The following ELOVL7 variants were observed in gnomAD, a reference collection of about 807,000 sequenced individuals.
The protein encoded by ELOVL7 is ELOVL fatty acid elongase 7, also known as very long chain fatty acid elongase 7.
ELOVL7 carries 27 observed loss-of-function variants against 35.7 expected under a neutral mutation model. The ratio of observed to expected loss-of-function variants is 0.76; its 90% CI spans 0.56 to 1.04. ELOVL7 has a LOEUF of 1.04. Ranked by LOEUF, ELOVL7 falls within the 50% of genes least tolerant of loss-of-function variation. The pLI, the probability that ELOVL7 is intolerant of heterozygous loss-of-function variation, is 0.00. For missense variants in ELOVL7, 327 were observed against 340.8 expected (o/e 0.96, Z 0.32); for synonymous variants, 113 against 114.6 (o/e 0.99, Z 0.09).
intron 3 of ELOVL7, among the ~76,000 whole-genome samples, chr5:60,782,930 T>G (rs1184027153): frequency 6.6e-6 from 1 of 152,184 alleles, no homozygotes; most frequent in African/African-American, 2.4e-5. Context: ...AAAAAGTAAA[T>G]TTCAAATGTT....
chr5:60,771,721 T>C (rs551315147), intron 4 of ELOVL7, among the ~76,000 whole-genome samples, 182 bp downstream of exon 4: 13 of 152,256 alleles, frequency 8.5e-5, no homozygotes, highest in Non-Finnish European at 1.9e-4. Context: ...TATACTGAGA[T>C]CCTCAAATGA....
chr5:60,774,903 T>C (rs1252637573), intron 3 of ELOVL7, among the ~76,000 whole-genome samples: 3 of 151,882 alleles, frequency 2.0e-5, no homozygotes, highest in African/African-American at 2.4e-5. Context: ...GGAGCTGGGA[T>C]TACAGGTGCC....
chr5:60,765,193 T>G (rs1026509020), intron 6 of ELOVL7, among the ~76,000 whole-genome samples: 16 of 152,226 alleles, frequency 1.1e-4, no homozygotes, highest in Non-Finnish European at 1.8e-4. Context: ...CATTTCCAAG[T>G]GCAAAATGCG....
At position 60,799,737 on chromosome 5, in the gene ELOVL7, A is replaced by T. The variant is rs996025837; in HGVS notation, c.-85-507T>A. On this transcript the variant is annotated intron_variant, in intron 1 of 8. Coordinates refer to ENST00000508821, the MANE Select transcript of ELOVL7 (RefSeq NM_024930.3). ...ACTTCACTGTTAAATTCTACCAAAC[A>T]TTTAAAAAATAACTAATAGACCGGG... Among the ~76,000 whole-genome samples, 4 of 152,232 alleles carry T rather than the reference A, an allele frequency of 2.6e-5. No homozygotes were observed. The East Asian group carries it at 7.7e-4, about 29-fold the overall frequency.
chr5:60,777,608 C>A (rs1342969349), intron 3 of ELOVL7, among the ~76,000 whole-genome samples: 1 of 151,950 alleles, frequency 6.6e-6, no homozygotes, highest in Non-Finnish European at 1.5e-5. Context: ...TTGAGGGTTG[C>A]CATCACATAA....
intron 1 of ELOVL7, among the ~76,000 whole-genome samples, chr5:60,821,476 A>G (rs990708859): frequency 6.6e-6 from 1 of 152,010 alleles, no homozygotes; most frequent in Non-Finnish European, 1.5e-5. Flanking sequence ...CCCTCTATCT[A>G]TGCTCCAGTT....
chr5:60,804,967 A>G (rs1438670423), intron 1 of ELOVL7, among the ~76,000 whole-genome samples: 1 of 152,232 alleles, frequency 6.6e-6, no homozygotes, highest in African/African-American at 2.4e-5. Flanking sequence ...ACCTACTCAG[A>G]TTTCTACAAT....
chr5:60,764,223 C>T lies in ELOVL7; in HGVS notation c.499+4G>A. The T allele has an allele frequency of 6.9e-6, 11 of 1,600,244 alleles. No homozygotes were observed. The highest frequency in any genetic ancestry group is 9.4e-6 in the Non-Finnish European group (11 of 1,168,244). On this transcript the variant is annotated splice_donor_region_variant and intron_variant, in intron 7 of 8. Coordinates refer to ENST00000508821, the MANE Select transcript of ELOVL7 (RefSeq NM_024930.3). ...ACACATGATCCCAAATTTCCCTTGTCTACCTGCAGCAAATTTGACTCCAAA... is the reference window on the plus strand; with the variant it reads ...ACACATGATCCCAAATTTCCCTTGTTTACCTGCAGCAAATTTGACTCCAAA...
intron 1 of ELOVL7, among the ~76,000 whole-genome samples, chr5:60,831,150 T>C (rs944412176): frequency 6.6e-6 from 1 of 152,206 alleles, no homozygotes; most frequent in Non-Finnish European, 1.5e-5. Context: ...GAAATGAAAC[T>C]ACTATGGACA....
intron 2 of ELOVL7, among the ~76,000 whole-genome samples, chr5:60,796,543 G>C (rs1313452571): frequency 1.3e-5 from 2 of 152,120 alleles, no homozygotes; most frequent in Non-Finnish European, 2.9e-5. Flanking sequence ...CCCCTGTGGG[G>C]CAAAATCCTC....
At chr5:60,797,167 A>C (rs561886538) in intron 2 of ELOVL7, among the ~76,000 whole-genome samples, 2 of 152,206 alleles carry the variant, frequency 1.3e-5, no homozygotes, top group African/African-American at 4.8e-5. Flanking sequence ...CAAATTTTCA[A>C]ATTTGCTAAT....
intron 1 of ELOVL7, among the ~76,000 whole-genome samples, chr5:60,832,388 C>T (rs751824950): frequency 1.3e-3 from 193 of 150,624 alleles, no homozygotes; most frequent in Non-Finnish European, 2.3e-3. Flanking sequence ...TTTTTTGAGA[C>T]GGAGTCTCGC....
chr5:60,832,310 C>T (rs2112388395), intron 1 of ELOVL7, among the ~76,000 whole-genome samples: 1 of 152,294 alleles, frequency 6.6e-6, no homozygotes, highest in South Asian at 2.1e-4. Context: ...GCAACTCCTA[C>T]TTGCTCTGTG....
chr5:60,765,213 G>A lies in ELOVL7; in HGVS notation c.394-881C>T, dbSNP rs1190212186. 3.9e-5 allele frequency among the ~76,000 whole-genome samples: 6 copies of A among 152,268 alleles called. 1 individual carries two copies. The highest frequency in any genetic ancestry group is 1.3e-4 in the Admixed American group (2 of 15,292). ...CCAAGTGCAAAATGCGTTTGCTTACGCACATGGAAGAAGGCTGAGTGGTGC... is the reference window on the plus strand; with the variant it reads ...CCAAGTGCAAAATGCGTTTGCTTACACACATGGAAGAAGGCTGAGTGGTGC... On this transcript the variant is annotated intron_variant, in intron 6 of 8. Coordinates refer to ENST00000508821, the MANE Select transcript of ELOVL7 (RefSeq NM_024930.3).
At chr5:60,771,296 C>A (rs190705400) in intron 4 of ELOVL7, among the ~76,000 whole-genome samples, 1 of 152,132 alleles carries the variant, frequency 6.6e-6, no homozygotes, top group East Asian at 1.9e-4. Flanking sequence ...GTTTTAGGGT[C>A]CTGGAAGAGC....
intron 1 of ELOVL7, among the ~76,000 whole-genome samples, chr5:60,807,740 C>T (rs1370236852): frequency 5.3e-5 from 8 of 151,832 alleles, no homozygotes; most frequent in African/African-American, 1.9e-4. Flanking sequence ...TGGTTCACGC[C>T]TGTAATCCCA....
At chr5:60,767,141 T>A (rs1256129189) in intron 5 of ELOVL7, among the ~76,000 whole-genome samples, 2 of 152,142 alleles carry the variant, frequency 1.3e-5, no homozygotes, top group Non-Finnish European at 2.9e-5. Context: ...GTCATCTAGG[T>A]TGGAGTGCAA....
chr5:60,769,358 C>T (rs1742435430), intron 4 of ELOVL7, among the ~76,000 whole-genome samples: 1 of 152,192 alleles, frequency 6.6e-6, no homozygotes, highest in African/African-American at 2.4e-5. Context: ...AATTCTCCAC[C>T]TTACCCTACC....
chr5:60,835,156 C>T lies in ELOVL7; in HGVS notation c.-86+9004G>A, dbSNP rs539068181. ...AGCGAGCTGAGAGCAAGCCACTGCA[C>T]TCCAGCCTGGGTGACACAGTGAGAT... On this transcript the variant is annotated intron_variant, in intron 1 of 8. Transcript: ENST00000508821. 5.8e-4 allele frequency among the ~76,000 whole-genome samples: 86 copies of T among 148,804 alleles called. 1 individual carries two copies. The highest frequency in any genetic ancestry group is 2.1e-3 in the African/African-American group (82 of 39,890).
Sources: allele counts gnomAD v4.1 joint callset (sites outside exome capture counted in the v4.1 genomes callset), GRCh38; gene constraint gnomAD v4.1.1; transcripts MANE v1.5; gene names NCBI Gene and HGNC (gene_info 2026-07-23, HGNC 2026-07-21).